The following TMEM141 variants were observed in gnomAD, a reference collection of about 807,000 sequenced individuals.
The protein encoded by TMEM141 is transmembrane protein 141.
TMEM141 carries 18 observed loss-of-function variants against 15.9 expected under a neutral mutation model. The ratio of observed to expected loss-of-function variants is 1.13; its 90% confidence interval spans 0.78 to 1.68. The LOEUF (loss-of-function observed/expected upper bound fraction) is 1.68. TMEM141 is among the 40% of genes most tolerant of loss of function. The pLI, the probability that TMEM141 is intolerant of heterozygous loss-of-function variation, is 0.00. For missense variants in TMEM141, 161 were observed against 139.5 expected (o/e 1.15, Z -0.78); for synonymous variants, 69 against 54.0 (o/e 1.28, Z -1.22).
chr9:136,791,854 G>A, intron 2 of TMEM141, 77 bp downstream of exon 2: 3 of 1,608,126 alleles, frequency 1.9e-6, no homozygotes, highest in Non-Finnish European at 2.5e-6. Flanking sequence ...AGCAGGGGGC[G>A]CCAAGTCACC....
chr9:136,792,336 G>A lies in TMEM141; in HGVS notation c.291G>A (p.Gln97=). The part of the protein sequence containing the change: ...NNLWLFLETG[Q]LPKDRSTDQR... ...TCTGGCTCTTCCTGGAGACCGGGCA[G>A]CTCCCCAAAGACAGGAGCACAGGTG... Residue 97 remains glutamine (Q), a synonymous_variant, in exon 4 of 5, where the codon CAG becomes CAA. Coordinates refer to ENST00000290079, the MANE Select transcript of TMEM141 (RefSeq NM_032928.4). 6.3e-7 allele frequency: 1 copy of A among 1,579,800 alleles called. No homozygotes were observed. Among genetic ancestry groups the A allele is most frequent in the African/African-American group, 1.3e-5 (1 of 74,256 alleles).
intron 4 of TMEM141, among the ~76,000 whole-genome samples, 188 bp from the exon 5 acceptor site, chr9:136,792,631 C>A (rs1847602791): frequency 6.6e-6 from 1 of 152,206 alleles, no homozygotes; most frequent in Admixed American, 6.5e-5. Context: ...TGTGGCAAGG[C>A]CACAGCAGCC....
At position 136,791,520 on chromosome 9, in the gene TMEM141, A is replaced by G. The variant is rs1847589604; in HGVS notation, c.54+96A>G. 5 of 1,544,314 alleles carry G rather than the reference A, an allele frequency of 3.2e-6. 1 individual carries two copies. The African/African-American group carries it at 5.5e-5, about 17-fold the overall frequency. ...CGTGGGGGTGCCCTCGTCAGGGAAG[A>G]GTGGCGGAGGCTGGGGGCACTCTCT... is the stretch of plus-strand genomic sequence containing the variant. On this transcript the variant is annotated intron_variant, in intron 1 of 4. Coordinates refer to ENST00000290079, the MANE Select transcript of TMEM141 (RefSeq NM_032928.4).
In TMEM141 at chr9:136,792,228, C is replaced by G. The variant is rs533557356; in HGVS notation, c.206-23C>G. On this transcript the variant is annotated intron_variant, in intron 3 of 4. Coordinates refer to ENST00000290079, the MANE Select transcript of TMEM141 (RefSeq NM_032928.4). ...CCTGGGAAGCACAGAGGCCCCAGCC[C>G]TCTTCCATTTCCTGCTCCACAGTTG... 1.9e-5 allele frequency: 30 copies of G among 1,560,082 alleles called. No homozygotes were observed. The South Asian group carries it at 2.5e-4, about 13-fold the overall frequency.
rs745616696 is a variant in TMEM141, at chr9:136,793,292, C to G, written c.*460C>G. 1 of 153,560 alleles carries G rather than the reference C, an allele frequency of 6.5e-6. No individual in the cohort carries two copies. Among genetic ancestry groups the G allele is most frequent in the Non-Finnish European group, 1.4e-5 (1 of 69,002 alleles). The allele number at this position is 153,560 out of a possible 1,614,324, so 9.5% of individuals were successfully genotyped here. On this transcript the variant is annotated 3_prime_UTR_variant, in exon 5 of 5. Coordinates refer to ENST00000290079, the MANE Select transcript of TMEM141 (RefSeq NM_032928.4). ...CCACCTGACCAGGTGAAAAACAAAT[C>G]AGAAGGGTAAGATGATGACAGGTCA... is the stretch of plus-strand genomic sequence containing the variant.
chr9:136,791,355 C>T lies in TMEM141; in HGVS notation c.-16C>T, dbSNP rs771742272. The T allele has an allele frequency of 8.4e-6, 13 of 1,555,172 alleles. No homozygotes were observed. The highest frequency in any genetic ancestry group is 1.1e-5 in the Non-Finnish European group (13 of 1,149,748). On this transcript the variant is annotated 5_prime_UTR_variant, in exon 1 of 5. Transcript: ENST00000290079. ...GCCTGCGCCTGCGCAGGCCCGCTCCCCGAGCCCTGCCAACCATGGTGAACT... is the reference window on the plus strand; with the variant it reads ...GCCTGCGCCTGCGCAGGCCCGCTCCTCGAGCCCTGCCAACCATGGTGAACT...
rs996720196 is a variant in TMEM141 at position 136,792,018 on chromosome 9, C to T, written c.193C>T (p.Leu65=). The change falls in exon 3 of 5, where the codon CTA becomes TTA. Residue 65 remains leucine, a synonymous_variant. Coordinates refer to ENST00000290079, the MANE Select transcript of TMEM141 (RefSeq NM_032928.4). ...TCCATACCCTTTGCAGTGGAGCCTC[C>T]TAGTGGCCGTGGGTGGGTACTCCAG... ...KFPYPLQWSL[L]VAVVAGSVVS... The T allele has an allele frequency of 7.4e-6, 12 of 1,613,780 alleles. No homozygotes were observed. In the Admixed American group the frequency reaches 1.2e-4, roughly 16 times the overall value.
intron 2 of TMEM141, 22 bp downstream of exon 2, chr9:136,791,799 T>A (rs1268601866): frequency 1.9e-6 from 3 of 1,611,630 alleles, no homozygotes; most frequent in Non-Finnish European, 1.7e-6. Context: ...CCAGGTGTCC[T>A]GCGGCTGGGA....
chr9:136,791,500 G>C (rs1847589464), intron 1 of TMEM141, 76 bp downstream of exon 1: 10 of 1,547,456 alleles, frequency 6.5e-6, no homozygotes, highest in Non-Finnish European at 7.9e-6. Flanking sequence ...CGGGGCGTGG[G>C]GGTGCCCTCG....
rs1418497623 is a variant in TMEM141, at chr9:136,792,308, A to AGGG, written c.263_264insGGG (p.Asn88delinsLysGly). 1 of 1,588,700 alleles carries AGGG rather than the reference A, an allele frequency of 6.3e-7. No homozygotes were observed. Among genetic ancestry groups the AGGG allele is most frequent in the South Asian group, 1.1e-5 (1 of 87,292 alleles). ...AGAGTGGAGTCGGAGAAATGCAACA[A>AGGG]CCTCTGGCTCTTCCTGGAGACCGGG... On this transcript the variant is annotated protein_altering_variant, in exon 4 of 5. Transcript: ENST00000290079.
intron 3 of TMEM141, 74 bp from the exon 4 acceptor site, chr9:136,792,177 A>C: frequency 1.3e-6 from 2 of 1,504,524 alleles, no homozygotes; most frequent in Admixed American, 3.9e-5. Flanking sequence ...GTCTGTCAGG[A>C]AGTAGCCTGT....
Position 136,792,828 on chromosome 9 carries a change from G to A in TMEM141, c.323G>A (p.Ser108Asn). ...LPKDRSTDQR[S>N] ...TCTTTGCCTTTTACAGATCAGAGAA[G>A]CTAGGAGAGCTCCAGCAGGGGCACA... Residue 108 changes from serine to asparagine, a missense_variant, in exon 5 of 5, where the codon AGC becomes AAC. By Grantham distance (46) the Ser-to-Asn change is conservative. Coordinates refer to ENST00000290079, the MANE Select transcript of TMEM141 (RefSeq NM_032928.4). The A allele has an allele frequency of 1.3e-6, 2 of 1,567,652 alleles. No homozygotes were observed. The highest frequency in any genetic ancestry group is 1.7e-6 in the Non-Finnish European group (2 of 1,156,300).
Position 136,792,914 on chromosome 9 carries a change from C to A in TMEM141, c.*82C>A. 1 of 1,426,708 alleles carries A rather than the reference C, an allele frequency of 7.0e-7. No individual in the cohort carries two copies. The highest frequency in any genetic ancestry group is 2.6e-5 in the East Asian group (1 of 38,748). The allele number at this position is 1,426,708 out of a possible 1,614,324, so 88.4% of individuals were successfully genotyped here. ...TTCATGCCCCCTGACCCCAGGCCGA[C>A]CCTCCCCACACCCTAGGGTACCCCA... On this transcript the variant is annotated 3_prime_UTR_variant, in exon 5 of 5. Transcript: ENST00000290079.
chr9:136,792,167 G>T, intron 3 of TMEM141, 84 bp from the exon 4 acceptor site: 1 of 1,499,414 alleles, frequency 6.7e-7, no homozygotes. Flanking sequence ...CACCCACCAC[G>T]TCTGTCAGGA....
chr9:136,793,137 C>T lies in TMEM141; in HGVS notation c.*305C>T, dbSNP rs111611079. 18 of 237,686 alleles carry T rather than the reference C, an allele frequency of 7.6e-5. No individual in the cohort carries two copies. Among genetic ancestry groups the T allele is most frequent in the African/African-American group, 1.6e-4 (7 of 44,376 alleles). The allele number at this position is 237,686 out of a possible 1,614,324, so 14.7% of individuals were successfully genotyped here. Reference sequence around the variant, plus strand: ...TCTGGGGGCCACCACCTATGGGACACGGGGTCGAAGGGGCCTGTACACTCT... The same window carrying T: ...TCTGGGGGCCACCACCTATGGGACATGGGGTCGAAGGGGCCTGTACACTCT... On this transcript the variant is annotated 3_prime_UTR_variant, in exon 5 of 5. Coordinates refer to ENST00000290079, the MANE Select transcript of TMEM141 (RefSeq NM_032928.4).
chr9:136,792,679 G>A, intron 4 of TMEM141, 140 bp from the exon 5 acceptor site: 1 of 668,450 alleles, frequency 1.5e-6, no homozygotes, highest in African/African-American at 1.8e-5. Flanking sequence ...GGACTGAGAA[G>A]CCCCGCATTG....
chr9:136,791,574 G>C, intron 1 of TMEM141, 137 bp from the exon 2 acceptor site: 5 of 1,565,828 alleles, frequency 3.2e-6, no homozygotes, highest in Non-Finnish European at 4.3e-6. Flanking sequence ...GTCCGGGTGG[G>C]CATAGGGGAG....
rs1027166472 is a variant in TMEM141 at position 136,792,409 on chromosome 9, C to G, written c.313+51C>G. 2.7e-6 allele frequency: 4 copies of G among 1,479,998 alleles called. No homozygotes were observed. In the African/African-American group the frequency reaches 5.6e-5, roughly 21 times the overall value. 91.7% of individuals were successfully genotyped at this position (1,479,998 alleles called of 1,614,324 possible). ...AAGTGAATGCCACCTCTCCAGCACC[C>G]AGAGTTTTGGGCAGCCAAGCCTGGG... is the stretch of plus-strand genomic sequence containing the variant. On this transcript the variant is annotated intron_variant, in intron 4 of 4. Coordinates refer to ENST00000290079, the MANE Select transcript of TMEM141 (RefSeq NM_032928.4).
intron 2 of TMEM141, 78 bp from the exon 3 acceptor site, chr9:136,791,869 C>T (rs544077032): frequency 1.2e-6 from 2 of 1,609,790 alleles, no homozygotes; most frequent in East Asian, 2.2e-5. Flanking sequence ...GTCACCTGCC[C>T]GCAGGTGCTG....
Sources: allele counts gnomAD v4.1 joint callset (sites outside exome capture counted in the v4.1 genomes callset), GRCh38; gene constraint gnomAD v4.1.1; transcripts MANE v1.5; gene names NCBI Gene and HGNC (gene_info 2026-07-23, HGNC 2026-07-21).